The following ATP2A3 variants were observed in gnomAD, a reference collection of about 807,000 sequenced individuals.
ATP2A3 encodes the protein sarcoplasmic/endoplasmic reticulum calcium ATPase 3.
ATP2A3 carries 61 observed loss-of-function variants against 106.8 expected under a neutral mutation model. That is an observed-to-expected ratio of 0.57 (90% CI 0.46 to 0.71). The LOEUF (loss-of-function observed/expected upper bound fraction) is 0.71. ATP2A3 is among the 30% of genes least tolerant of loss of function. The pLI is 0.00. For missense variants in ATP2A3, 1,201 were observed against 1,423.5 expected (o/e 0.84, Z 2.52); for synonymous variants, 611 against 609.3 (o/e 1.00, Z -0.04).
chr17:3,942,644 G>A lies in ATP2A3; in HGVS notation c.1507C>T (p.Pro503Ser), dbSNP rs764933836. 1.9e-6 allele frequency: 3 copies of A among 1,613,148 alleles called. No homozygotes were observed. Among genetic ancestry groups the A allele is most frequent in the Middle Eastern group, 1.6e-4 (1 of 6,062 alleles). ...SMSVYCTPTR[P>S]HPTGQGSKMF... Reference sequence around the variant, plus strand: ...TTGCTGCCCTGGCCAGTAGGGTGAGGGCGGGTGGGCGTGCAGTACACGGAC... The same window carrying A: ...TTGCTGCCCTGGCCAGTAGGGTGAGAGCGGGTGGGCGTGCAGTACACGGAC... The change falls in exon 12 of 21, where the codon CCT (proline) becomes TCT (serine). Residue 503 changes from proline (P) to serine (S), a missense_variant. Physicochemically the swap from Pro to Ser is moderately conservative, Grantham distance 74 (BLOSUM62 -1). Coordinates refer to ENST00000397041, the MANE Select transcript of ATP2A3 (RefSeq NM_005173.4).
At position 3,930,078 on chromosome 17, in the gene ATP2A3, A is replaced by T. The variant is rs373565139; in HGVS notation, c.2744+223T>A. 3.4e-5 allele frequency among the ~76,000 whole-genome samples: 5 copies of T among 146,292 alleles called. No individual in the cohort carries two copies. In the South Asian group the frequency reaches 1.1e-3, roughly 32 times the overall value. On this transcript the variant is annotated intron_variant, in intron 18 of 20. Transcript: ENST00000397041. This position sits in a 1 kb window ranked among gnomAD's most constrained non-coding sequence, Gnocchi z 5.4. The stretch of plus-strand genomic sequence containing the variant: ...CAATCCTGAACCCCCCAAACATCAG[A>T]CCCCAATCTTGGACCCTCTTGACCC...
At chr17:3,957,974 A>C (rs1206853369) in intron 1 of ATP2A3, among the ~76,000 whole-genome samples, 1 of 152,180 alleles carries the variant, frequency 6.6e-6, no homozygotes, top group East Asian at 1.9e-4. Flanking sequence ...TCATGTTGCC[A>C]GACTGAGAGG....
At position 3,940,890 on chromosome 17, in the gene ATP2A3, G is replaced by A; in HGVS notation, c.2100+81C>T. 2.1e-6 allele frequency: 3 copies of A among 1,457,828 alleles called. No individual in the cohort carries two copies. In the Admixed American group the frequency reaches 5.0e-5, roughly 24 times the overall value. 90.3% of individuals were successfully genotyped at this position (1,457,828 alleles called of 1,614,324 possible). ...AGAAAAGGTAAGAATGAGGCAGAGG[G>A]GAGAGTTGCACGGCTTGCTCTTTTC... On this transcript the variant is annotated intron_variant, in intron 14 of 20. Coordinates refer to ENST00000397041, the MANE Select transcript of ATP2A3 (RefSeq NM_005173.4).
chr17:3,937,381 TGA>T, intron 15 of ATP2A3, 33 bp downstream of exon 15: 1 of 1,597,820 alleles, frequency 6.3e-7, no homozygotes, highest in Non-Finnish European at 8.5e-7. Context: ...CAGAGCGGAT[TGA>T]GAGGGCTGAG....
chr17:3,939,404 G>C (rs953658057), intron 14 of ATP2A3, among the ~76,000 whole-genome samples: 4 of 152,010 alleles, frequency 2.6e-5, no homozygotes, highest in Non-Finnish European at 1.5e-5. Flanking sequence ...CAGCAATTAA[G>C]AACAAAAACT....
Position 3,943,403 on chromosome 17 carries a change from G to C in ATP2A3, c.1407C>G (p.Gly469=). The change falls in exon 11 of 21, where the codon GGC becomes GGG. Residue 469 remains glycine (G), a synonymous_variant. Coordinates refer to ENST00000397041, the MANE Select transcript of ATP2A3 (RefSeq NM_005173.4). The stretch of plus-strand genomic sequence containing the variant: ...CAGCCCTGCTCACCGTGTTACAGGC[G>C]CCAGCTCGCTCCACCCGGGACAGAG... ...LQALSRVERA[G]ACNTVIKQLM... 1 of 1,613,900 alleles carries C rather than the reference G, an allele frequency of 6.2e-7. No homozygotes were observed. The highest frequency in any genetic ancestry group is 2.2e-5 in the East Asian group (1 of 44,874).
At chr17:3,962,645 G>A (rs146168334) in intron 1 of ATP2A3, among the ~76,000 whole-genome samples, 174 of 152,264 alleles carry the variant, frequency 1.1e-3, no homozygotes, top group Admixed American at 3.6e-3. Context: ...TAACAGGTGG[G>A]GAAGGCTGGG....
intron 20 of ATP2A3, chr17:3,927,745 C>T (rs1387843204): frequency 1.0e-6 from 1 of 983,584 alleles, no homozygotes; most frequent in Admixed American, 6.3e-5. Context: ...ATGTGTCTGG[C>T]CACTCCCTGG....
In ATP2A3 at chr17:3,953,790, CA is replaced by C. The variant is rs1407794652; in HGVS notation, c.119-81del. 1 of 1,470,524 alleles carries C rather than the reference CA, an allele frequency of 6.8e-7. No homozygotes were observed. The highest frequency in any genetic ancestry group is 1.4e-5 in the African/African-American group (1 of 71,472). The allele number at this position is 1,470,524 out of a possible 1,614,324, so 91.1% of individuals were successfully genotyped here. A position where few individuals can be genotyped will look rare whatever the true frequency, so the allele number is the denominator to read the frequency against. ...ACGCAGGGGCCTCGGGGGAGTCTGG[CA>C]GTGCCTCCCCACCGTGCCCGCCCAG... On this transcript the variant is annotated intron_variant, in intron 1 of 20. Coordinates refer to ENST00000397041, the MANE Select transcript of ATP2A3 (RefSeq NM_005173.4). The surrounding 1 kb of genome is among the most constrained non-coding windows in gnomAD (Gnocchi z 5.1).
At position 3,924,196 on chromosome 17, in the gene ATP2A3, A is replaced by C. The variant is rs2052590259; in HGVS notation, c.*1226T>G. ...TACATATAAAATCATCAGTCTGCAC[A>C]CGCTCTAGGAGTGGCCAAGACATAG... On this transcript the variant is annotated 3_prime_UTR_variant, in exon 21 of 21. Coordinates refer to ENST00000397041, the MANE Select transcript of ATP2A3 (RefSeq NM_005173.4). The surrounding 1 kb of genome is among the most constrained non-coding windows in gnomAD (Gnocchi z 6.4). 6.6e-6 allele frequency: 1 copy of C among 152,642 alleles called. No individual in the cohort carries two copies. The highest frequency in any genetic ancestry group is 2.4e-5 in the African/African-American group (1 of 41,460). The allele number at this position is 152,642 out of a possible 1,614,324, so 9.5% of individuals were successfully genotyped here.
chr17:3,931,748 C>T (rs960576326), intron 17 of ATP2A3, among the ~76,000 whole-genome samples: 1 of 152,138 alleles, frequency 6.6e-6, no homozygotes, highest in Non-Finnish European at 1.5e-5. Flanking sequence ...GTCTAGAACT[C>T]CTGACCTCGT....
At chr17:3,931,815 C>T (rs1043600954) in intron 17 of ATP2A3, among the ~76,000 whole-genome samples, 1 of 152,220 alleles carries the variant, frequency 6.6e-6, no homozygotes, top group African/African-American at 2.4e-5. Context: ...GCCACCGCGC[C>T]CGGCCATGGA....
chr17:3,937,394 A>G (rs1225541582), intron 15 of ATP2A3, 22 bp downstream of exon 15: 2 of 1,604,378 alleles, frequency 1.2e-6, no homozygotes, highest in African/African-American at 1.4e-5. Flanking sequence ...GAGGGCTGAG[A>G]GGAGGGAAGG....
At chr17:3,960,720 G>A (rs535057823) in intron 1 of ATP2A3, among the ~76,000 whole-genome samples, 7 of 152,284 alleles carry the variant, frequency 4.6e-5, no homozygotes, top group South Asian at 4.1e-4. Flanking sequence ...AGATCAGACC[G>A]TCTGATCCCA....
Position 3,942,738 on chromosome 17 carries a change from G to A in ATP2A3, c.1420-7C>T. 1.2e-6 allele frequency: 2 copies of A among 1,612,068 alleles called. No homozygotes were observed. Among genetic ancestry groups the A allele is most frequent in the South Asian group, 1.1e-5 (1 of 91,066 alleles). Reference sequence around the variant, plus strand: ...GCATCAGCTGCTTGATGACCTGCGGGGTCCAGGCAGGTCAGGGCATGAAGG... The same window carrying A: ...GCATCAGCTGCTTGATGACCTGCGGAGTCCAGGCAGGTCAGGGCATGAAGG... On this transcript the variant is annotated splice_polypyrimidine_tract_variant and splice_region_variant and intron_variant, in intron 11 of 20. Transcript: ENST00000397041.
In ATP2A3 at chr17:3,953,409, C is replaced by T. The variant is rs778484482; in HGVS notation, c.157G>A (p.Val53Met). The T allele has an allele frequency of 3.7e-6, 6 of 1,614,052 alleles. No individual in the cohort carries two copies. Among genetic ancestry groups the T allele is most frequent in the East Asian group, 4.5e-5 (2 of 44,872 alleles). The change falls in exon 3 of 21, where the codon GTG becomes ATG. Residue 53 changes from valine to methionine, a missense_variant. Around this residue, in one of 2 missense-constraint regions of ATP2A3, gnomAD observed 266 missense variants for 246.8 expected, o/e 1.08. Coordinates refer to ENST00000397041, the MANE Select transcript of ATP2A3 (RefSeq NM_005173.4). The surrounding 1 kb of genome is among the most constrained non-coding windows in gnomAD (Gnocchi z 5.1). Reference sequence around the variant, plus strand: ...AGGAGGTCCTCAAACTGTTCCAGCACCAGCTCCCACAGGGACTTCCCTGGG... The same window carrying T: ...AGGAGGTCCTCAAACTGTTCCAGCATCAGCTCCCACAGGGACTTCCCTGGG... ...SEEGKSLWEL[V>M]LEQFEDLLVR...
Position 3,941,671 on chromosome 17 carries a change from GGGA to G in ATP2A3, c.1546-20_1546-18del. 1.2e-6 allele frequency: 2 copies of G among 1,602,246 alleles called. No individual in the cohort carries two copies. The highest frequency in any genetic ancestry group is 8.5e-7 in the Non-Finnish European group (1 of 1,179,536). The stretch of plus-strand genomic sequence containing the variant: ...AGGAGCCCCCTGCGAGGTGGGGAGA[GGGA>G]GAAGAGGTAACTCATCAGTCAGAAC... On this transcript the variant is annotated intron_variant, in intron 12 of 20. Transcript: ENST00000397041.
In ATP2A3 at chr17:3,929,507, C is replaced by A; in HGVS notation, c.2745-62G>T. 3 of 1,389,830 alleles carry A rather than the reference C, an allele frequency of 2.2e-6. No individual in the cohort carries two copies. Among genetic ancestry groups the A allele is most frequent in the Non-Finnish European group, 1.0e-6 (1 of 1,004,142 alleles). The allele number at this position is 1,389,830 out of a possible 1,614,324, so 86.1% of individuals were successfully genotyped here. On this transcript the variant is annotated intron_variant, in intron 18 of 20. Coordinates refer to ENST00000397041, the MANE Select transcript of ATP2A3 (RefSeq NM_005173.4). This position sits in a 1 kb window ranked among gnomAD's most constrained non-coding sequence, Gnocchi z 4.3. ...GCAGGGAGGCCCTGCCAGGCACCCA[C>A]CCCCATGGGAGGAGCCTCACCACTT... is the stretch of plus-strand genomic sequence containing the variant.
At position 3,925,348 on chromosome 17, in the gene ATP2A3, T is replaced by TG. The variant is rs1303482939; in HGVS notation, c.*73dup. Reference sequence around the variant, plus strand: ...AAGTGGGCGAGTGTGGTGGCAAGGGTGGGGGGCGGAGGCGAACACATGGGC... The same window carrying TG: ...AAGTGGGCGAGTGTGGTGGCAAGGGTGGGGGGGCGGAGGCGAACACATGGGC... On this transcript the variant is annotated 3_prime_UTR_variant, in exon 21 of 21. Coordinates refer to ENST00000397041, the MANE Select transcript of ATP2A3 (RefSeq NM_005173.4). The surrounding 1 kb of genome is among the most constrained non-coding windows in gnomAD (Gnocchi z 4.2). 6.2e-7 allele frequency: 1 copy of TG among 1,611,492 alleles called. No homozygotes were observed. The highest frequency in any genetic ancestry group is 8.5e-7 in the Non-Finnish European group (1 of 1,179,040).
Sources: gnomAD v4.1 joint callset for allele counts (sites outside exome capture counted in the v4.1 genomes callset) on GRCh38, gnomAD v4.1.1 for gene constraint, gnomAD v4.1.1 regional missense constraint, Gnocchi (gnomAD v3.1) non-coding constraint, MANE v1.5 for transcripts, NCBI Gene and HGNC (gene_info 2026-07-23, HGNC 2026-07-21) for gene names.